Variants in VPS37C observed in about 807,000 individuals in gnomAD.
The protein encoded by VPS37C is VPS37C subunit of ESCRT-I, also known as vacuolar protein sorting-associated protein 37C.
VPS37C carries 9 observed loss-of-function variants against 16.1 expected under a neutral mutation model. That is an observed-to-expected ratio of 0.56 (90% CI 0.34 to 0.97). The LOEUF (loss-of-function observed/expected upper bound fraction) is 0.97, where lower values mean the gene tolerates loss of function less well. Ranked by LOEUF, VPS37C falls within the 50% of genes least tolerant of loss-of-function variation. The pLI is 0.02. For synonymous variants in VPS37C, 207 were observed against 206.4 expected (o/e 1.00, Z -0.02); for missense variants, 479 against 472.7 (o/e 1.01, Z -0.12).
intron 1 of VPS37C, among the ~76,000 whole-genome samples, chr11:61,149,242 C>T (rs1331611498): frequency 6.6e-6 from 1 of 152,086 alleles, no homozygotes; most frequent in Non-Finnish European, 1.5e-5. Flanking sequence ...GCCGAGATCG[C>T]GCCACTGCAT....
intron 4 of VPS37C, 133 bp downstream of exon 4, chr11:61,133,122 G>A (rs1289420768): frequency 2.0e-6 from 2 of 975,722 alleles, no homozygotes; most frequent in South Asian, 2.8e-5. Flanking sequence ...GACTAAAGAT[G>A]TCCTTCACCT....
intron 2 of VPS37C, among the ~76,000 whole-genome samples, chr11:61,136,322 T>A (rs552076208): frequency 6.6e-6 from 1 of 152,130 alleles, no homozygotes; most frequent in East Asian, 1.9e-4. Context: ...TACAGGCACG[T>A]GCCACCACGC....
At chr11:61,143,113 G>A (rs1425222998) in intron 1 of VPS37C, among the ~76,000 whole-genome samples, 3 of 151,662 alleles carry the variant, frequency 2.0e-5, no homozygotes, top group African/African-American at 4.8e-5. Context: ...AGCGGCGTGC[G>A]GAACACAGTA....
At position 61,133,925 on chromosome 11, in the gene VPS37C, A is replaced by G; in HGVS notation, c.265+111T>C. 4 of 1,321,140 alleles carry G rather than the reference A, an allele frequency of 3.0e-6. No homozygotes were observed. In the South Asian group the frequency reaches 6.1e-5, roughly 20 times the overall value. The allele number at this position is 1,321,140 out of a possible 1,614,324, so 81.8% of individuals were successfully genotyped here. A position where few individuals can be genotyped will look rare whatever the true frequency, so the allele number is the denominator to read the frequency against. On this transcript the variant is annotated intron_variant, in intron 3 of 4. Coordinates refer to ENST00000301765, the MANE Select transcript of VPS37C (RefSeq NM_017966.5). ...GAGTAACAACAGTACCCACCCTTCT[A>G]TGGCTGTTGTGAAAAAATATACATA...
At chr11:61,157,064 A>G (rs1216028602) in intron 1 of VPS37C, among the ~76,000 whole-genome samples, 3 of 152,280 alleles carry the variant, frequency 2.0e-5, no homozygotes, top group Non-Finnish European at 4.4e-5. Flanking sequence ...GGATGTATCA[A>G]ACGTTCTTTC....
At chr11:61,160,449 G>C (rs1853453969) in intron 1 of VPS37C, among the ~76,000 whole-genome samples, 1 of 152,124 alleles carries the variant, frequency 6.6e-6, no homozygotes, top group South Asian at 2.1e-4. Context: ...GCAGCATCTT[G>C]GTGCATTAGT....
chr11:61,160,724 G>GA (rs1356088711), intron 1 of VPS37C, among the ~76,000 whole-genome samples: 3 of 152,178 alleles, frequency 2.0e-5, no homozygotes, highest in African/African-American at 7.2e-5. Flanking sequence ...CGTAAAGTGG[G>GA]AAATCGCCTC....
rs575326962 is a variant in VPS37C at position 61,155,861 on chromosome 11, A to C, written c.-7+5530T>G. ...CTTTACATTTTCATCTCCTTAAAAA[A>C]TAATTGACTATTTAAAGCAAAAATA... On this transcript the variant is annotated intron_variant, in intron 1 of 4. Transcript: ENST00000301765. 5.3e-5 allele frequency among the ~76,000 whole-genome samples: 8 copies of C among 152,378 alleles called. No homozygotes were observed. The South Asian group carries it at 1.7e-3, about 32-fold the overall frequency.
chr11:61,135,883 C>T lies in VPS37C; in HGVS notation c.94-1676G>A, dbSNP rs184475619. ...CCCTGCGTCTAAACCAACAAATCGA[C>T]GCTGTATCATTTTCCCCTAAATCTT... On this transcript the variant is annotated intron_variant, in intron 2 of 4. Coordinates refer to ENST00000301765, the MANE Select transcript of VPS37C (RefSeq NM_017966.5). 7.8e-4 allele frequency among the ~76,000 whole-genome samples: 119 copies of T among 152,322 alleles called. 2 individuals are homozygous for T. Among genetic ancestry groups the T allele is most frequent in the Non-Finnish European group, 1.2e-3 (81 of 68,036 alleles).
chr11:61,135,417 G>A (rs192155450), intron 2 of VPS37C, among the ~76,000 whole-genome samples: 57 of 152,344 alleles, frequency 3.7e-4, no homozygotes, highest in East Asian at 3.5e-3. Flanking sequence ...AGGGCCCAGG[G>A]TCTGTCCAGC....
At chr11:61,157,110 A>G (rs763344879) in intron 1 of VPS37C, among the ~76,000 whole-genome samples, 2 of 152,276 alleles carry the variant, frequency 1.3e-5, no homozygotes, top group Admixed American at 6.5e-5. Context: ...TCTAATACAT[A>G]TAACACATTT....
intron 1 of VPS37C, among the ~76,000 whole-genome samples, chr11:61,152,280 C>G (rs543468833): frequency 1.3e-5 from 2 of 152,272 alleles, no homozygotes; most frequent in South Asian, 4.1e-4. Flanking sequence ...CCCAGAACTT[C>G]CGGGTCCAGT....
chr11:61,151,797 A>T (rs1853301670), intron 1 of VPS37C, among the ~76,000 whole-genome samples: 1 of 152,228 alleles, frequency 6.6e-6, no homozygotes, highest in South Asian at 2.1e-4. Context: ...AACAGCATTC[A>T]GCGTCAATCA....
intron 1 of VPS37C, among the ~76,000 whole-genome samples, chr11:61,141,999 G>A (rs1227207601): frequency 6.6e-6 from 1 of 152,262 alleles, no homozygotes; most frequent in Admixed American, 6.5e-5. Context: ...GCCCCGAGAA[G>A]AGCCGAGATT....
intron 1 of VPS37C, among the ~76,000 whole-genome samples, chr11:61,149,856 C>G (rs1045496692): frequency 1.3e-5 from 2 of 152,188 alleles, no homozygotes; most frequent in African/African-American, 2.4e-5. Context: ...TGAGAAGACT[C>G]AAGAATAATA....
intron 1 of VPS37C, among the ~76,000 whole-genome samples, chr11:61,160,765 G>C (rs1024729657): frequency 5.9e-5 from 9 of 152,242 alleles, no homozygotes; most frequent in African/African-American, 2.2e-4. Flanking sequence ...AGAGGAACCA[G>C]GCATATAATG....
intron 1 of VPS37C, among the ~76,000 whole-genome samples, chr11:61,160,289 C>T (rs1853450469): frequency 6.6e-6 from 1 of 152,204 alleles, no homozygotes; most frequent in African/African-American, 2.4e-5. Context: ...TTCATTGCAA[C>T]AGTCCCCGAT....
At chr11:61,148,221 A>T (rs1413572243) in intron 1 of VPS37C, among the ~76,000 whole-genome samples, 2 of 151,942 alleles carry the variant, frequency 1.3e-5, no homozygotes, top group Non-Finnish European at 2.9e-5. Context: ...GGCTCCCAGC[A>T]CTCCCCTCGC....
chr11:61,160,776 G>A (rs1343860428), intron 1 of VPS37C, among the ~76,000 whole-genome samples: 1 of 152,194 alleles, frequency 6.6e-6, no homozygotes, highest in African/African-American at 2.4e-5. Context: ...GCATATAATG[G>A]GTATGTATAC....
Sources: allele counts gnomAD v4.1 joint callset (sites outside exome capture counted in the v4.1 genomes callset), GRCh38; gene constraint gnomAD v4.1.1; transcripts MANE v1.5; gene names NCBI Gene and HGNC (gene_info 2026-07-23, HGNC 2026-07-21).